Variants in BMAL2 observed in about 807,000 individuals in gnomAD.
BMAL2 encodes basic helix-loop-helix ARNT-like protein 2.
chr12:27,383,752 G>A, the BMAL2 span, among the ~76,000 whole-genome samples: 6 of 152,200 alleles, frequency 3.9e-5, no homozygotes, highest in African/African-American at 1.4e-4. Context: ...CCAAGCTGCT[G>A]TGTAGTAATA....
chr12:27,412,268 C>T, the BMAL2 span, among the ~76,000 whole-genome samples: 1 of 152,108 alleles, frequency 6.6e-6, no homozygotes, highest in African/African-American at 2.4e-5. Flanking sequence ...TATAAGGAGG[C>T]ACCTTAGGTA....
chr12:27,376,259 T>A, the BMAL2 span: 1 of 1,184,932 alleles, frequency 8.4e-7, no homozygotes, highest in Non-Finnish European at 1.2e-6. Context: ...GATGATTGAT[T>A]GGACTTAATC....
the BMAL2 span, among the ~76,000 whole-genome samples, chr12:27,353,751 C>T: frequency 1.1e-3 from 174 of 151,940 alleles, 2 homozygotes; most frequent in African/African-American, 3.7e-3. Context: ...ATTAAAAAAA[C>T]GGGCAAAGGG....
At chr12:27,334,830 G>T in the BMAL2 span, among the ~76,000 whole-genome samples, 4 of 152,358 alleles carry the variant, frequency 2.6e-5, no homozygotes, top group South Asian at 8.3e-4. Flanking sequence ...ATTTCACAGG[G>T]GTGCTTCTGT....
chr12:27,379,186 A>G, the BMAL2 span, among the ~76,000 whole-genome samples: 1 of 152,170 alleles, frequency 6.6e-6, no homozygotes, highest in Non-Finnish European at 1.5e-5. Flanking sequence ...AGGAAGATAA[A>G]CCCTATAAAT....
chr12:27,410,603 G>T, the BMAL2 span, among the ~76,000 whole-genome samples: 1 of 152,122 alleles, frequency 6.6e-6, no homozygotes, highest in Non-Finnish European at 1.5e-5. Context: ...TGTGGGGTAG[G>T]GGAAGAGGGG....
chr12:27,407,459 A>G, the BMAL2 span, among the ~76,000 whole-genome samples: 3 of 152,222 alleles, frequency 2.0e-5, no homozygotes, highest in Non-Finnish European at 4.4e-5. Flanking sequence ...CCACTCAACT[A>G]CATGGAAACT....
the BMAL2 span, among the ~76,000 whole-genome samples, chr12:27,354,894 A>G: frequency 8.5e-5 from 13 of 152,202 alleles, no homozygotes; most frequent in Non-Finnish European, 1.9e-4. Context: ...TTGCCAGCTC[A>G]ACAAATGATC....
At chr12:27,346,381 C>T in the BMAL2 span, among the ~76,000 whole-genome samples, 10 of 152,150 alleles carry the variant, frequency 6.6e-5, no homozygotes, top group Non-Finnish European at 1.5e-4. Flanking sequence ...CTGTGTCAGC[C>T]TCCTGAGTAG....
chr12:27,404,380 G>A, the BMAL2 span, among the ~76,000 whole-genome samples: 2 of 151,808 alleles, frequency 1.3e-5, no homozygotes, highest in Non-Finnish European at 2.9e-5. Context: ...ATAGATCAAT[G>A]TAAAAGATTA....
the BMAL2 span, among the ~76,000 whole-genome samples, chr12:27,383,944 C>T: frequency 5.1e-4 from 77 of 152,242 alleles, 2 homozygotes; most frequent in East Asian, 0.012. Context: ...CCACCACCAC[C>T]ACCACTTAGT....
chr12:27,404,939 C>A, the BMAL2 span, among the ~76,000 whole-genome samples: 1 of 152,222 alleles, frequency 6.6e-6, no homozygotes, highest in African/African-American at 2.4e-5. Context: ...AAGCAGCACA[C>A]CAGGAGATTA....
At chr12:27,398,757 A>G in the BMAL2 span, among the ~76,000 whole-genome samples, 6 of 152,240 alleles carry the variant, frequency 3.9e-5, no homozygotes, top group African/African-American at 1.4e-4. Flanking sequence ...GAGATTACAT[A>G]TATAAATTAA....
the BMAL2 span, among the ~76,000 whole-genome samples, chr12:27,376,166 T>A: frequency 4.9e-4 from 74 of 152,322 alleles, no homozygotes; most frequent in Non-Finnish European, 8.8e-4. Context: ...AGGAGGAGAA[T>A]GGTTCATGTA....
At chr12:27,347,988 C>G in the BMAL2 span, among the ~76,000 whole-genome samples, 1 of 152,192 alleles carries the variant, frequency 6.6e-6, no homozygotes, top group South Asian at 2.1e-4. Flanking sequence ...AATCAGGTAA[C>G]CAGATCCCCT....
chr12:27,354,020 A>G, the BMAL2 span, among the ~76,000 whole-genome samples: 1 of 152,220 alleles, frequency 6.6e-6, no homozygotes, highest in Non-Finnish European at 1.5e-5. Context: ...GGTTTCTCAA[A>G]GAACTTAAAA....
At chr12:27,388,838 T>C in the BMAL2 span, among the ~76,000 whole-genome samples, 1 of 152,244 alleles carries the variant, frequency 6.6e-6, no homozygotes, top group Non-Finnish European at 1.5e-5. Context: ...TACTATGATG[T>C]AATCTCTTTT....
At chr12:27,374,706 G>C in the BMAL2 span, among the ~76,000 whole-genome samples, 1 of 152,344 alleles carries the variant, frequency 6.6e-6, no homozygotes, top group East Asian at 1.9e-4. Flanking sequence ...CAGGCTGACG[G>C]TGGTGAGAGA....
the BMAL2 span, among the ~76,000 whole-genome samples, chr12:27,379,054 T>C: frequency 1.3e-5 from 2 of 152,062 alleles, no homozygotes; most frequent in Non-Finnish European, 2.9e-5. Context: ...AATCTCATAA[T>C]GTTTTTGGAA....
Sources: gnomAD v4.1 joint callset for allele counts (sites outside exome capture counted in the v4.1 genomes callset) on GRCh38, gnomAD v4.1.1 for gene constraint, MANE v1.5 for transcripts, NCBI Gene and HGNC (gene_info 2026-07-23, HGNC 2026-07-21) for gene names.